LEF1: variants seen among roughly 807,000 people sequenced by gnomAD.
LEF1 encodes lymphoid enhancer binding factor 1, also known as lymphoid enhancer-binding factor 1.
LEF1 carries 14 observed loss-of-function variants against 51.2 expected under a neutral mutation model. The observed-to-expected ratio is 0.27, with a 90% CI of 0.18 to 0.43. The LOEUF (loss-of-function observed/expected upper bound fraction) is 0.43. LEF1 is among the 20% of genes least tolerant of loss of function. The pLI is 1.00. For synonymous variants in LEF1, 185 were observed against 183.2 expected (o/e 1.01, Z -0.08); for missense variants, 386 against 512.0 (o/e 0.75, Z 2.37).
intron 3 of LEF1, among the ~76,000 whole-genome samples, chr4:108,099,604 AT>A (rs1740666529): frequency 4.0e-5 from 5 of 124,908 alleles, no homozygotes; most frequent in African/African-American, 8.4e-5. Flanking sequence ...ATATATATAT[AT>A]ATATATATAT....
chr4:108,071,078 G>A (rs1019509880), intron 8 of LEF1, among the ~76,000 whole-genome samples: 4 of 152,110 alleles, frequency 2.6e-5, no homozygotes, highest in African/African-American at 9.7e-5. Context: ...AAATTAAAAA[G>A]AACTTTCACT....
At chr4:108,126,804 CAAAAAAAA>C (rs11329450) in intron 3 of LEF1, among the ~76,000 whole-genome samples, 1 of 97,320 alleles carries the variant, frequency 1.0e-5, no homozygotes, top group African/African-American at 4.5e-5. Flanking sequence ...GACTTTCTCT[CAAAAAAAA>C]AAAAAAAAAA....
rs1303529759 is a variant in LEF1, at chr4:108,089,297, C to G, written c.415-40G>C. On this transcript the variant is annotated intron_variant, in intron 3 of 11. Coordinates refer to ENST00000265165, the MANE Select transcript of LEF1 (RefSeq NM_016269.5). Reference sequence around the variant, plus strand: ...CAAGGTCAATAGTTAATATGGATGCCCAGCTCCAGTCTTTTCTCCCAAAGA... The same window carrying G: ...CAAGGTCAATAGTTAATATGGATGCGCAGCTCCAGTCTTTTCTCCCAAAGA... 4 of 1,593,126 alleles carry G rather than the reference C, an allele frequency of 2.5e-6. No homozygotes were observed. In the South Asian group the frequency reaches 4.5e-5, roughly 18 times the overall value.
chr4:108,065,600 C>A (rs1053059928), intron 9 of LEF1, among the ~76,000 whole-genome samples: 1 of 152,160 alleles, frequency 6.6e-6, no homozygotes, highest in Admixed American at 6.5e-5. Context: ...ATTTCAGTCA[C>A]CCTTCTGAAG....
At chr4:108,124,519 G>A (rs1218711325) in intron 3 of LEF1, among the ~76,000 whole-genome samples, 8 of 151,926 alleles carry the variant, frequency 5.3e-5, no homozygotes, top group Admixed American at 2.6e-4. Context: ...ACAGGTGTAC[G>A]CCACCACACC....
In LEF1 at chr4:108,167,351, T is replaced by TACAC. The variant is rs35000095; in HGVS notation, c.213+200_213+203dup. On this transcript the variant is annotated intron_variant, in intron 1 of 11. Coordinates refer to ENST00000265165, the MANE Select transcript of LEF1 (RefSeq NM_016269.5). This position sits in a 1 kb window ranked among gnomAD's most constrained non-coding sequence, Gnocchi z 5.7. ...TACCCTGCCCCTCTACCTCCCATCC[T>TACAC]ACACACACACACACACACACACACA... is the stretch of plus-strand genomic sequence containing the variant. Among the ~76,000 whole-genome samples the TACAC allele has an allele frequency of 0.067, 8,856 of 131,668 alleles. 375 individuals carry two copies. Among genetic ancestry groups the TACAC allele is most frequent in the Non-Finnish European group, 0.095 (5,807 of 61,134 alleles). The allele number at this position is 131,668 out of a possible 152,430, so 86.4% of individuals were successfully genotyped here. A position where few individuals can be genotyped will look rare whatever the true frequency, so the allele number is the denominator to read the frequency against.
At chr4:108,104,685 A>C in intron 3 of LEF1, 1 of 984,476 alleles carries the variant, frequency 1.0e-6, no homozygotes, top group Non-Finnish European at 1.2e-6. Flanking sequence ...CATACCTATG[A>C]ATGCTCTTTC....
At chr4:108,147,707 C>T (rs187205505) in intron 3 of LEF1, among the ~76,000 whole-genome samples, 7 of 152,282 alleles carry the variant, frequency 4.6e-5, no homozygotes, top group Non-Finnish European at 1.0e-4. Flanking sequence ...ATTCAGACCA[C>T]GTATTTCCTA....
intron 3 of LEF1, among the ~76,000 whole-genome samples, chr4:108,129,000 A>G (rs1328365341): frequency 6.6e-6 from 1 of 152,230 alleles, no homozygotes; most frequent in Non-Finnish European, 1.5e-5. Flanking sequence ...TTAAAAAATC[A>G]GGCCAGGAAA....
At chr4:108,065,870 A>AT (rs967197930) in intron 9 of LEF1, among the ~76,000 whole-genome samples, 6 of 152,274 alleles carry the variant, frequency 3.9e-5, no homozygotes, top group Admixed American at 6.5e-5. Context: ...AATAATTATT[A>AT]TTTTGAGACA....
intron 11 of LEF1, among the ~76,000 whole-genome samples, chr4:108,058,966 G>A (rs1441476620): frequency 6.6e-6 from 1 of 152,216 alleles, no homozygotes; most frequent in Non-Finnish European, 1.5e-5. Context: ...CAAATGACTA[G>A]TCCGAAAAGC....
intron 3 of LEF1, among the ~76,000 whole-genome samples, chr4:108,156,902 G>A (rs769641469): frequency 6.6e-6 from 1 of 151,882 alleles, no homozygotes; most frequent in Non-Finnish European, 1.5e-5. Flanking sequence ...TAATGGATAT[G>A]TTATCTGGAT....
At chr4:108,094,363 C>T (rs552464470) in intron 3 of LEF1, among the ~76,000 whole-genome samples, 1 of 152,322 alleles carries the variant, frequency 6.6e-6, no homozygotes, top group South Asian at 2.1e-4. Flanking sequence ...AGGTAAGGAC[C>T]TCTTTGGCAT....
At chr4:108,106,092 C>A (rs1428943305) in intron 3 of LEF1, among the ~76,000 whole-genome samples, 1 of 152,140 alleles carries the variant, frequency 6.6e-6, no homozygotes, top group African/African-American at 2.4e-5. Flanking sequence ...CAGAGGTGAG[C>A]CCAGATATGG....
At chr4:108,160,010 G>A (rs982844256) in intron 3 of LEF1, among the ~76,000 whole-genome samples, 1 of 152,168 alleles carries the variant, frequency 6.6e-6, no homozygotes, top group Non-Finnish European at 1.5e-5. Context: ...GAGCTGCAAC[G>A]TTTGCTGCAG....
At chr4:108,066,069 A>G (rs1738059767) in intron 9 of LEF1, among the ~76,000 whole-genome samples, 1 of 152,096 alleles carries the variant, frequency 6.6e-6, no homozygotes, top group African/African-American at 2.4e-5. Flanking sequence ...TGCCTGGCTA[A>G]ATTTTGTATT....
chr4:108,158,277 G>A lies in LEF1; in HGVS notation c.414+5291C>T, dbSNP rs192668970. Among the ~76,000 whole-genome samples, 227 of 152,136 alleles carry A rather than the reference G, an allele frequency of 1.5e-3. 4 individuals carry two copies. The highest frequency in any genetic ancestry group is 6.3e-3 in the South Asian group (30 of 4,798). ...TGGCTGCCTTTTCTAAATAAGTAAG[G>A]ACATGTAAGGATAGCACAGAAGAGT... is the stretch of plus-strand genomic sequence containing the variant. On this transcript the variant is annotated intron_variant, in intron 3 of 11. Transcript: ENST00000265165.
intron 3 of LEF1, among the ~76,000 whole-genome samples, chr4:108,129,928 A>C (rs976335078): frequency 4.6e-5 from 7 of 152,178 alleles, no homozygotes; most frequent in African/African-American, 1.7e-4. Context: ...AAGTACCAAT[A>C]ACAAATGGTG....
intron 3 of LEF1, among the ~76,000 whole-genome samples, chr4:108,138,834 C>G (rs1029463119): frequency 4.6e-5 from 7 of 152,196 alleles, no homozygotes; most frequent in African/African-American, 1.7e-4. Context: ...CGCATGATGC[C>G]TATGTGACCT....
Sources: allele counts gnomAD v4.1 joint callset (sites outside exome capture counted in the v4.1 genomes callset), GRCh38; gene constraint gnomAD v4.1.1; non-coding constraint Gnocchi (gnomAD v3.1); transcripts MANE v1.5; gene names NCBI Gene and HGNC (gene_info 2026-07-23, HGNC 2026-07-21).